The following NBPF14 variants were observed in gnomAD, a reference collection of about 807,000 sequenced individuals.
NBPF14 encodes the protein NBPF member 14.
In NBPF14, 104 loss-of-function variants were observed where a neutral mutation model predicts 91.2. That is an observed-to-expected ratio of 1.14 (90% confidence interval 0.97 to 1.34). The LOEUF (loss-of-function observed/expected upper bound fraction) is 1.34, where lower values mean the gene tolerates loss of function less well. NBPF14 is among the 40% of genes most tolerant of loss of function. The pLI is 0.00. For synonymous variants in NBPF14, 294 were observed against 303.8 expected, an observed-to-expected ratio of 0.97 and a Z score of 0.34; for missense variants, 908 against 783.0, an observed-to-expected ratio of 1.16 and a Z score of -1.91.
rs782745476 is a variant in NBPF14 at position 148,533,838 on chromosome 1, G to T, written c.8723+23C>A. 24 of 766,156 alleles carry T rather than the reference G, an allele frequency of 3.1e-5. No homozygotes were observed. The Admixed American group carries it at 3.9e-4, about 13-fold the overall frequency. The allele number at this position is 766,156 out of a possible 1,614,324, so 47.5% of individuals were successfully genotyped here. ...CTCCAGGAGTTAACACAGAACTAAGGATCCACAATTGCTGAAAGTCACCTG... is the reference window on the plus strand; with the variant it reads ...CTCCAGGAGTTAACACAGAACTAAGTATCCACAATTGCTGAAAGTCACCTG... On this transcript the variant is annotated intron_variant, in intron 70 of 70. Coordinates refer to ENST00000619423, the Ensembl canonical transcript of NBPF14.
intron 20 of NBPF14, among the ~76,000 whole-genome samples, chr1:148,572,854 C>G (rs1188885195): frequency 2.9e-5 from 1 of 34,212 alleles, no homozygotes; most frequent in Non-Finnish European, 5.2e-5. Context: ...AGAAAGTGAC[C>G]TAGTGAATTG....
chr1:148,589,773 C>T lies in NBPF14; in HGVS notation c.779-380G>A, dbSNP rs1199809220. Reference sequence around the variant, plus strand: ...TTTGAGACGGAGTCTCACTCTGTCACGCAGGCTGCAGTGCAGAGGCACAAT... The same window carrying T: ...TTTGAGACGGAGTCTCACTCTGTCATGCAGGCTGCAGTGCAGAGGCACAAT... On this transcript the variant is annotated intron_variant, in intron 6 of 70. Transcript: ENST00000619423. Among the ~76,000 whole-genome samples, 8 of 144,834 alleles carry T rather than the reference C, an allele frequency of 5.5e-5. 1 individual carries two copies. Among genetic ancestry groups the T allele is most frequent in the Non-Finnish European group, 7.7e-5 (5 of 64,754 alleles).
rs1324572008 is a variant in NBPF14, at chr1:148,559,903, C to T, written c.4619G>A (p.Cys1540Tyr). 66 of 1,277,590 alleles carry T rather than the reference C, an allele frequency of 5.2e-5. 2 individuals are homozygous for T. The highest frequency in any genetic ancestry group is 5.6e-5 in the Non-Finnish European group (51 of 911,196). 79.1% of individuals were successfully genotyped at this position (1,277,590 alleles called of 1,614,324 possible). A position where few individuals can be genotyped will look rare whatever the true frequency, so the allele number is the denominator to read the frequency against. ...AAGACAACCTGAAGGAGTTGAATAA[C>T]ATCTATCCAGTGAGTCCTGCAAGAC... The change falls in exon 37 of 71, where the codon TGT becomes TAT. Residue 1540 changes from cysteine (C) to tyrosine (Y), a missense_variant. Around this residue, in one of 13 missense-constraint regions of NBPF14, gnomAD observed 447 missense variants for 189.1 expected, o/e 2.36. Coordinates refer to ENST00000619423, the Ensembl canonical transcript of NBPF14.
intron 8 of NBPF14, among the ~76,000 whole-genome samples, chr1:148,586,685 T>C (rs1661584397): frequency 6.8e-6 from 1 of 146,964 alleles, no homozygotes; most frequent in East Asian, 1.9e-4. Flanking sequence ...TCCTCGATGA[T>C]GTTCCATTCA....
At chr1:148,557,081 C>A (rs1219885191) in intron 40 of NBPF14, among the ~76,000 whole-genome samples, 1 of 125,226 alleles carries the variant, frequency 8.0e-6, no homozygotes, top group Admixed American at 7.8e-5. Context: ...CACACACACA[C>A]ACACACAGAG....
Position 148,577,559 on chromosome 1 carries a change from C to G in NBPF14, c.1854-204G>C, listed in dbSNP as rs1302215805. 9.7e-4 allele frequency among the ~76,000 whole-genome samples: 147 copies of G among 150,822 alleles called. 1 individual carries two copies. Among genetic ancestry groups the G allele is most frequent in the African/African-American group, 3.3e-3 (133 of 40,450 alleles). ...AACGAGAAAGACACACACACACACA[C>G]ACACACACACACACACACTCACACA... On this transcript the variant is annotated intron_variant, in intron 14 of 70. Transcript: ENST00000619423.
Position 148,533,869 on chromosome 1 carries a change from T to A in NBPF14, c.8715A>T (p.Pro2905=), listed in dbSNP as rs1333638567. 8 of 763,848 alleles carry A rather than the reference T, an allele frequency of 1.0e-5. 1 individual carries two copies. The highest frequency in any genetic ancestry group is 1.0e-4 in the Admixed American group (6 of 58,264). The allele number at this position is 763,848 out of a possible 1,614,324, so 47.3% of individuals were successfully genotyped here. A position where few individuals can be genotyped will look rare whatever the true frequency, so the allele number is the denominator to read the frequency against. ...CAATTGCTGAAAGTCACCTGGGGCA[T>A]GGTGGGTTTTGATCTTCTTCCCCTT... Residue 2905 remains proline, a synonymous_variant, in exon 70 of 71, where the codon CCA becomes CCT. Coordinates refer to ENST00000619423, the Ensembl canonical transcript of NBPF14.
At chr1:148,580,770 C>A in intron 12 of NBPF14, among the ~76,000 whole-genome samples, 1 of 55,664 alleles carries the variant, frequency 1.8e-5, no homozygotes, top group Non-Finnish European at 3.1e-5. Context: ...CCCTACAAGC[C>A]AGAAGAGAGT....
intron 39 of NBPF14, among the ~76,000 whole-genome samples, chr1:148,557,980 A>G (rs1395832702): frequency 5.8e-5 from 2 of 34,646 alleles, no homozygotes; most frequent in African/African-American, 2.0e-4. Context: ...ACTTCTGTGA[A>G]TTTTTTACAT....
intron 3 of NBPF14, among the ~76,000 whole-genome samples, chr1:148,593,037 T>G (rs1257736369): frequency 6.8e-6 from 1 of 145,992 alleles, no homozygotes; most frequent in Non-Finnish European, 1.5e-5. Flanking sequence ...CTAATTCCGT[T>G]TCAAAAAGAC....
At chr1:148,534,946 G>A (rs1234068588) in intron 68 of NBPF14, 90 bp from the exon 69 acceptor site, 2 of 747,510 alleles carry the variant, frequency 2.7e-6, no homozygotes, top group Non-Finnish European at 4.9e-6. Flanking sequence ...ATAAGGAACA[G>A]TTTAAAAAGA....
At chr1:148,593,394 G>C (rs1307147614) in intron 3 of NBPF14, among the ~76,000 whole-genome samples, 1 of 148,488 alleles carries the variant, frequency 6.7e-6, no homozygotes, top group African/African-American at 2.5e-5. Context: ...TTGAAAAAGA[G>C]AAAACAAGGC....
chr1:148,571,257 A>G (rs1659108760), intron 22 of NBPF14, among the ~76,000 whole-genome samples: 2 of 87,810 alleles, frequency 2.3e-5, no homozygotes, highest in Non-Finnish European at 4.1e-5. Context: ...ACACACACAC[A>G]CACACACACA....
chr1:148,592,148 GGA>G (rs1308425751), intron 4 of NBPF14, among the ~76,000 whole-genome samples: 1 of 136,840 alleles, frequency 7.3e-6, no homozygotes, highest in East Asian at 2.0e-4. Flanking sequence ...CTTTGCAGAT[GGA>G]GAGAGAGAAA....
Position 148,575,680 on chromosome 1 carries a change from G to C in NBPF14, c.2210C>G (p.Ser737Ter). ...CAAGCCAAGGTACTGTTCCTCCAAT[G>C]AGTAAACAGCACTGCTGTAGGGCTG... Residue 737 changes from serine (S) to a stop codon, truncating the protein, a stop_gained, in exon 17 of 71, where the codon TCA (serine) becomes TGA (stop). Coordinates refer to ENST00000619423, the Ensembl canonical transcript of NBPF14. LOFTEE classifies it high-confidence loss of function. 1 of 187,082 alleles carries C rather than the reference G, an allele frequency of 5.3e-6. No homozygotes were observed. Among genetic ancestry groups the C allele is most frequent in the Non-Finnish European group, 9.7e-6 (1 of 103,592 alleles). 11.6% of individuals were successfully genotyped at this position (187,082 alleles called of 1,614,324 possible). A position where few individuals can be genotyped will look rare whatever the true frequency, so the allele number is the denominator to read the frequency against.
In NBPF14 at chr1:148,569,617, C is replaced by CAGACAG. The variant is rs1432883456; in HGVS notation, c.3093-196_3093-191dup. The stretch of plus-strand genomic sequence containing the variant: ...GATAGAAAACAATGAAAGAGAGAGA[C>CAGACAG]AGACAGAGACAGAGACAGAGACAGA... On this transcript the variant is annotated intron_variant, in intron 24 of 70. Transcript: ENST00000619423. Among the ~76,000 whole-genome samples the CAGACAG allele has an allele frequency of 3.1e-3, 103 of 32,700 alleles. 4 individuals carry two copies. Among genetic ancestry groups the CAGACAG allele is most frequent in the African/African-American group, 0.015 (64 of 4,160 alleles). 21.5% of individuals were successfully genotyped at this position (32,700 alleles called of 152,430 possible).
In NBPF14 at chr1:148,557,756, G is replaced by C. The variant is rs1167249976; in HGVS notation, c.4955-214C>G. On this transcript the variant is annotated intron_variant, in intron 39 of 70. Transcript: ENST00000619423. The stretch of plus-strand genomic sequence containing the variant: ...TGAAATATCCCCATTCTGGTAGATC[G>C]TTATCCCAAAATCATTTATCCCAAG... Among the ~76,000 whole-genome samples the C allele has an allele frequency of 5.6e-5, 7 of 124,852 alleles. 2 individuals are homozygous for C. Among genetic ancestry groups the C allele is most frequent in the African/African-American group, 2.7e-4 (7 of 26,128 alleles). 81.9% of individuals were successfully genotyped at this position (124,852 alleles called of 152,430 possible).
At chr1:148,534,717 C>T (rs1465434321) in exon 69 of NBPF14, 9 of 839,548 alleles carry the variant, frequency 1.1e-5, no homozygotes, top group African/African-American at 1.7e-5. Flanking sequence ...AGGTACTGTT[C>T]CTCCAATGAG....
chr1:148,590,034 GACTT>G (rs1662200918), intron 6 of NBPF14, among the ~76,000 whole-genome samples: 1 of 129,052 alleles, frequency 7.7e-6, no homozygotes, highest in African/African-American at 2.8e-5. Context: ...CCTGGTCAGA[GACTT>G]ACTTTTTTTT....
Sources: allele counts gnomAD v4.1 joint callset (sites outside exome capture counted in the v4.1 genomes callset), GRCh38; gene constraint gnomAD v4.1.1; regional missense constraint gnomAD v4.1.1; transcripts MANE v1.5; gene names NCBI Gene and HGNC (gene_info 2026-07-23, HGNC 2026-07-21).